SLC9C2: variants seen among roughly 807,000 people sequenced by gnomAD.
SLC9C2 encodes sodium/hydrogen exchanger 11.
SLC9C2 carries 75 observed loss-of-function variants against 140.2 expected under a neutral mutation model. The ratio of observed to expected loss-of-function variants is 0.53; its 90% CI spans 0.44 to 0.65. The LOEUF is 0.65. Among genes scored for constraint, SLC9C2 ranks in the 30% least tolerant of loss-of-function variants. The pLI, the probability that SLC9C2 is intolerant of heterozygous loss-of-function variation, is 0.00. For missense variants in SLC9C2, 1,074 were observed against 1,331.8 expected (o/e 0.81, Z 3.01); for synonymous variants, 375 against 420.9 (o/e 0.89, Z 1.34).
chr1:173,534,818 A>G (rs1661827697), intron 15 of SLC9C2, 136 bp from the exon 16 acceptor site: 1 of 712,884 alleles, frequency 1.4e-6, no homozygotes, highest in Non-Finnish European at 2.0e-6. Context: ...GCAAAAATCA[A>G]AAGCATATTT....
chr1:173,552,052 G>A (rs1204780251), intron 11 of SLC9C2, among the ~76,000 whole-genome samples: 1 of 152,184 alleles, frequency 6.6e-6, no homozygotes, highest in Non-Finnish European at 1.5e-5. Flanking sequence ...TTGCTGATAT[G>A]GAGAAAGATT....
At chr1:173,506,649 C>G (rs1441514755) in intron 25 of SLC9C2, among the ~76,000 whole-genome samples, 2 of 152,210 alleles carry the variant, frequency 1.3e-5, no homozygotes, top group South Asian at 2.1e-4. Flanking sequence ...GATTTCAGCT[C>G]CCTGTCCCTT....
chr1:173,512,942 G>T (rs1558016366), intron 23 of SLC9C2, among the ~76,000 whole-genome samples: 1 of 152,154 alleles, frequency 6.6e-6, no homozygotes, highest in Non-Finnish European at 1.5e-5. Flanking sequence ...TTTATCTGAT[G>T]GATTATGTTT....
chr1:173,580,113 G>C (rs1665426082), intron 7 of SLC9C2, among the ~76,000 whole-genome samples: 1 of 152,186 alleles, frequency 6.6e-6, no homozygotes, highest in Non-Finnish European at 1.5e-5. Flanking sequence ...TTCAAGGTTG[G>C]GGCGGTAGAG....
intron 4 of SLC9C2, among the ~76,000 whole-genome samples, chr1:173,597,177 A>G (rs189437864): frequency 6.6e-6 from 1 of 152,200 alleles, no homozygotes; most frequent in Non-Finnish European, 1.5e-5. Flanking sequence ...CAAAGAATTG[A>G]CATATAAAAC....
At chr1:173,526,604 T>C (rs201466066) in intron 19 of SLC9C2, 59 bp downstream of exon 19, 84 of 1,359,118 alleles carry the variant, frequency 6.2e-5, no homozygotes, top group Non-Finnish European at 1.1e-5. Context: ...GTTCTTCTTT[T>C]ATTAAATTAT....
chr1:173,600,094 C>T (rs1266621216), intron 3 of SLC9C2, 23 bp downstream of exon 3: 1 of 1,489,168 alleles, frequency 6.7e-7, no homozygotes, highest in Non-Finnish European at 9.2e-7. Flanking sequence ...CCTTTATTCT[C>T]TAATTTATTG....
chr1:173,525,819 T>C (rs1302665152), intron 19 of SLC9C2, among the ~76,000 whole-genome samples: 1 of 152,220 alleles, frequency 6.6e-6, no homozygotes, highest in African/African-American at 2.4e-5. Context: ...TCCTAACCCC[T>C]AATCTTTAAA....
In SLC9C2 at chr1:173,573,225, T is replaced by C. The variant is rs573782075; in HGVS notation, c.1003A>G (p.Ile335Val). 45 of 1,573,582 alleles carry C rather than the reference T, an allele frequency of 2.9e-5. 1 individual carries two copies. In the South Asian group the frequency reaches 4.9e-4, roughly 17 times the overall value. Residue 335 changes from isoleucine to valine, a missense_variant, in exon 9 of 28, where the codon ATA becomes GTA. By Grantham distance (29) the Ile-to-Val change is conservative (BLOSUM62 3). Transcript: ENST00000367714. ...GTAAATAAAATGAATATGAAAGGTA[T>C]AGTGTGAAATTCATAGTGGCTGAGT... Reference protein sequence around the residue: ...GELSHYEFHTIPFIFILFTTV... With the variant: ...GELSHYEFHTVPFIFILFTTV...
intron 13 of SLC9C2, among the ~76,000 whole-genome samples, chr1:173,539,201 G>C (rs944282486): frequency 1.3e-5 from 2 of 152,154 alleles, no homozygotes; most frequent in Admixed American, 6.6e-5. Context: ...GGAAAATGTA[G>C]GCACTGAGGA....
intron 14 of SLC9C2, among the ~76,000 whole-genome samples, chr1:173,536,545 A>G (rs1373327184): frequency 6.6e-6 from 1 of 152,212 alleles, no homozygotes; most frequent in Non-Finnish European, 1.5e-5. Flanking sequence ...GAGCAGTCTA[A>G]TGGCAGCCTC....
chr1:173,521,335 T>A lies in SLC9C2; in HGVS notation c.2705A>T (p.Gln902Leu). 6.4e-7 allele frequency: 1 copy of A among 1,551,660 alleles called. No individual in the cohort carries two copies. ...DTICKGGEMP[Q>L]GIYLIISGMA... ...TCCTGAAATAATTAAGTAGATTCCT[T>A]GTGGCATTTCACCTCCTTTACAAAT... The change falls in exon 22 of 28, where the codon CAA becomes CTA. Residue 902 changes from glutamine to leucine, a missense_variant. Transcript: ENST00000367714.
chr1:173,563,550 TA>T lies in SLC9C2; in HGVS notation c.1047-6043del, dbSNP rs375659223. Among the ~76,000 whole-genome samples, 50 of 152,280 alleles carry T rather than the reference TA, an allele frequency of 3.3e-4. No homozygotes were observed. The East Asian group carries it at 7.3e-3, about 22-fold the overall frequency. ...AACCTCAAACAGTAAAAAAGTATAT[TA>T]AAAATGTTTTAATTTTTAATTTTTG... On this transcript the variant is annotated intron_variant, in intron 9 of 27. Transcript: ENST00000367714.
chr1:173,591,237 T>A (rs1056644920), intron 4 of SLC9C2, among the ~76,000 whole-genome samples: 1 of 152,196 alleles, frequency 6.6e-6, no homozygotes, highest in Non-Finnish European at 1.5e-5. Flanking sequence ...TGCACAGTAT[T>A]CCATGGCAAA....
chr1:173,602,538 G>A (rs965725635), intron 1 of SLC9C2, among the ~76,000 whole-genome samples: 6 of 152,172 alleles, frequency 3.9e-5, no homozygotes, highest in Non-Finnish European at 8.8e-5. Context: ...AATGAAGCCT[G>A]TCAACAAGGC....
In SLC9C2 at chr1:173,587,818, C is replaced by A; in HGVS notation, c.370G>T (p.Gly124Ter). The A allele has an allele frequency of 6.2e-7, 1 of 1,611,622 alleles. No individual in the cohort carries two copies. The highest frequency in any genetic ancestry group is 1.1e-5 in the South Asian group (1 of 90,818). ...KKMFWQVLLT[G>*]LISFSTASII... is the part of the protein sequence containing the mutation. ...CTTGCTGTAGAAAAGCTAATTAATC[C>A]AGTTAACAAGACCTGTGAACCAATT... The change falls in exon 5 of 28, where the codon GGA (glycine) becomes TGA (stop). Residue 124 changes from glycine to a stop codon, truncating the protein, a stop_gained. Transcript: ENST00000367714. LOFTEE classifies it high-confidence loss of function.
chr1:173,594,233 T>C (rs1571636272), intron 4 of SLC9C2, among the ~76,000 whole-genome samples: 1 of 152,204 alleles, frequency 6.6e-6, no homozygotes, highest in Non-Finnish European at 1.5e-5. Flanking sequence ...GAGTAAGTTC[T>C]AGTGTTCTAT....
chr1:173,541,606 G>A (rs1242391643), intron 13 of SLC9C2, among the ~76,000 whole-genome samples: 1 of 152,146 alleles, frequency 6.6e-6, no homozygotes, highest in East Asian at 1.9e-4. Context: ...CACATAGTTG[G>A]AAGTAAAGCA....
In SLC9C2 at chr1:173,500,581, GTTAC is replaced by G. The variant is rs1659201475; in HGVS notation, c.*509_*512del. On this transcript the variant is annotated 3_prime_UTR_variant, in exon 28 of 28. Coordinates refer to ENST00000367714, the MANE Select transcript of SLC9C2 (RefSeq NM_178527.4). ...CTCCTAAATTTCACTGAAAGCAAAA[GTTAC>G]TTACTTACTGAAAGTTACTAAGATT... 2.0e-5 allele frequency: 3 copies of G among 152,136 alleles called. No individual in the cohort carries two copies. Among genetic ancestry groups the G allele is most frequent in the South Asian group, 2.1e-4 (1 of 4,832 alleles). The allele number at this position is 152,136 out of a possible 1,614,324, so 9.4% of individuals were successfully genotyped here.
Sources: allele counts gnomAD v4.1 joint callset (sites outside exome capture counted in the v4.1 genomes callset), GRCh38; gene constraint gnomAD v4.1.1; transcripts MANE v1.5; gene names NCBI Gene and HGNC (gene_info 2026-07-23, HGNC 2026-07-21).